Variants in MARK1 observed in about 807,000 individuals in gnomAD.
MARK1 encodes the protein microtubule affinity regulating kinase 1.
MARK1 carries 40 observed loss-of-function variants against 96.3 expected under a neutral mutation model. That is an observed-to-expected ratio of 0.42 (90% CI 0.32 to 0.54). The LOEUF (loss-of-function observed/expected upper bound fraction) is 0.54. MARK1 is among the 20% of genes least tolerant of loss of function. The pLI, the probability that MARK1 is intolerant of heterozygous loss-of-function variation, is 0.16. For synonymous variants in MARK1, 317 were observed against 341.2 expected, an observed-to-expected ratio of 0.93 and a Z score of 0.78; for missense variants, 719 against 984.6, an observed-to-expected ratio of 0.73 and a Z score of 3.61.
At position 220,618,853 on chromosome 1, in the gene MARK1, C is replaced by A; in HGVS notation, c.909+98C>A. The A allele has an allele frequency of 9.5e-7, 1 of 1,047,788 alleles. No homozygotes were observed. Among genetic ancestry groups the A allele is most frequent in the Non-Finnish European group, 1.3e-6 (1 of 749,064 alleles). 64.9% of individuals were successfully genotyped at this position (1,047,788 alleles called of 1,614,324 possible). A position where few individuals can be genotyped will look rare whatever the true frequency, so the allele number is the denominator to read the frequency against. ...TCCTATGTTTTCTTAGGAAAATTGC[C>A]AAATTATCTAATCTGCCTTTTGTTT... On this transcript the variant is annotated intron_variant, in intron 9 of 17. Coordinates refer to ENST00000366917, the MANE Select transcript of MARK1 (RefSeq NM_018650.5). This position sits in a 1 kb window ranked among gnomAD's most constrained non-coding sequence, Gnocchi z 4.6.
At chr1:220,616,043 A>T (rs769948128) in intron 7 of MARK1, 48 bp downstream of exon 7, 1 of 928,370 alleles carries the variant, frequency 1.1e-6, no homozygotes, top group East Asian at 2.7e-5. Flanking sequence ...GTTATTATTA[A>T]CATATATTTA....
At chr1:220,565,058 A>G (rs985271767) in intron 1 of MARK1, among the ~76,000 whole-genome samples, 3 of 152,226 alleles carry the variant, frequency 2.0e-5, no homozygotes, top group African/African-American at 7.2e-5. Flanking sequence ...AAAAGCATGT[A>G]AAATCCCAAA....
At chr1:220,548,235 A>G (rs190906097) in intron 1 of MARK1, among the ~76,000 whole-genome samples, 1,768 of 152,340 alleles carry the variant, frequency 0.012, 19 homozygotes, top group Middle Eastern at 0.037. Context: ...TATATCGGAG[A>G]GAGGTTCCTC....
At chr1:220,630,387 A>T (rs1026238347) in intron 9 of MARK1, among the ~76,000 whole-genome samples, 1 of 152,066 alleles carries the variant, frequency 6.6e-6, no homozygotes, top group African/African-American at 2.4e-5. Flanking sequence ...TATTTTTCCC[A>T]TTCTCTAGTT....
At chr1:220,570,204 A>G (rs546300999) in intron 1 of MARK1, among the ~76,000 whole-genome samples, 4 of 152,240 alleles carry the variant, frequency 2.6e-5, no homozygotes, top group South Asian at 4.1e-4. Context: ...GGAAACTCCA[A>G]TATGATGTGT....
intron 9 of MARK1, among the ~76,000 whole-genome samples, chr1:220,619,469 A>G (rs949470614): frequency 6.6e-6 from 1 of 152,174 alleles, no homozygotes; most frequent in African/African-American, 2.4e-5. Context: ...GCGAGACTCT[A>G]TCATAAAAAA....
At chr1:220,628,780 A>G (rs1667497318) in intron 9 of MARK1, among the ~76,000 whole-genome samples, 2 of 152,106 alleles carry the variant, frequency 1.3e-5, no homozygotes, top group African/African-American at 4.8e-5. Context: ...TTCTCTAGAA[A>G]GTTTAATTTA....
chr1:220,603,487 C>T (rs896910669), intron 5 of MARK1, among the ~76,000 whole-genome samples: 1 of 151,984 alleles, frequency 6.6e-6, no homozygotes, highest in Non-Finnish European at 1.5e-5. Context: ...TAGAGATACA[C>T]ACACAAATGA....
At chr1:220,548,822 A>T (rs1018645617) in intron 1 of MARK1, among the ~76,000 whole-genome samples, 4 of 152,182 alleles carry the variant, frequency 2.6e-5, no homozygotes, top group African/African-American at 9.7e-5. Flanking sequence ...TTCTGGCATG[A>T]GTTTGCTGTA....
chr1:220,548,044 A>G (rs918507443), intron 1 of MARK1, among the ~76,000 whole-genome samples: 5 of 152,380 alleles, frequency 3.3e-5, no homozygotes, highest in East Asian at 3.9e-4. Flanking sequence ...TCCTCTTCCT[A>G]CAATACTTTA....
At position 220,618,898 on chromosome 1, in the gene MARK1, T is replaced by C. The variant is rs1572184606; in HGVS notation, c.909+143T>C. 4.3e-6 allele frequency: 3 copies of C among 698,152 alleles called. No homozygotes were observed. In the East Asian group the frequency reaches 8.8e-5, roughly 20 times the overall value. 43.2% of individuals were successfully genotyped at this position (698,152 alleles called of 1,614,324 possible). ...TTGTTTGTAGGTAGGGAAAATTACA[T>C]GACTTTTTTTCACTTTCAAAAGTTG... On this transcript the variant is annotated intron_variant, in intron 9 of 17. Coordinates refer to ENST00000366917, the MANE Select transcript of MARK1 (RefSeq NM_018650.5). This position sits in a 1 kb window ranked among gnomAD's most constrained non-coding sequence, Gnocchi z 4.6.
intron 1 of MARK1, among the ~76,000 whole-genome samples, chr1:220,555,346 G>T (rs1572071223): frequency 6.6e-6 from 1 of 152,156 alleles, no homozygotes; most frequent in African/African-American, 2.4e-5. Context: ...TTATGTCTCA[G>T]TTTATTCTGG....
chr1:220,598,734 C>T (rs1190067217), intron 4 of MARK1, among the ~76,000 whole-genome samples: 1 of 151,978 alleles, frequency 6.6e-6, no homozygotes. Flanking sequence ...TGGCTTATGC[C>T]TGTAATCCCA....
chr1:220,652,361 GA>G (rs769208917), intron 15 of MARK1, among the ~76,000 whole-genome samples: 1 of 152,080 alleles, frequency 6.6e-6, no homozygotes, highest in Non-Finnish European at 1.5e-5. Context: ...TTTTCTAGAG[GA>G]ATTTTTTTAA....
intron 1 of MARK1, among the ~76,000 whole-genome samples, chr1:220,560,093 A>G (rs958856699): frequency 2.6e-5 from 4 of 152,170 alleles, no homozygotes; most frequent in African/African-American, 9.7e-5. Context: ...AGAAAGAGCC[A>G]AGCGAAAGGG....
intron 1 of MARK1, among the ~76,000 whole-genome samples, chr1:220,549,683 G>C (rs1373376797): frequency 6.6e-6 from 1 of 152,182 alleles, no homozygotes; most frequent in African/African-American, 2.4e-5. Context: ...TAGTGACATA[G>C]ATGTCCTCAG....
rs745647570 is a variant in MARK1, at chr1:220,661,881, G to A, written c.2103G>A (p.Arg701=). Residue 701 remains arginine, a synonymous_variant, in exon 18 of 18, where the codon CGG becomes CGA. Coordinates refer to ENST00000366917, the MANE Select transcript of MARK1 (RefSeq NM_018650.5). ...AAGATTCTAAGCCGCGTTCTTTGCG[G>A]TTCACATGGAGTATGAAGACCACTA... is the stretch of plus-strand genomic sequence containing the variant. ...EGKDSKPRSL[R]FTWSMKTTSS... 8 of 1,614,052 alleles carry A rather than the reference G, an allele frequency of 5.0e-6. No individual in the cohort carries two copies. The highest frequency in any genetic ancestry group is 6.8e-6 in the Non-Finnish European group (8 of 1,180,032).
intron 9 of MARK1, among the ~76,000 whole-genome samples, chr1:220,630,026 C>T (rs2103001928): frequency 6.6e-6 from 1 of 152,278 alleles, no homozygotes; most frequent in African/African-American, 2.4e-5. Context: ...AACCTCTGTA[C>T]TATTTTCCAT....
intron 9 of MARK1, among the ~76,000 whole-genome samples, chr1:220,621,804 G>T (rs1294345560): frequency 6.6e-6 from 1 of 152,034 alleles, no homozygotes; most frequent in African/African-American, 2.4e-5. Context: ...TTGATTTAGA[G>T]AATTTTACAT....
Sources: allele counts gnomAD v4.1 joint callset (sites outside exome capture counted in the v4.1 genomes callset), GRCh38; gene constraint gnomAD v4.1.1; non-coding constraint Gnocchi (gnomAD v3.1); transcripts MANE v1.5; gene names NCBI Gene and HGNC (gene_info 2026-07-23, HGNC 2026-07-21).